MAPK4: variants seen among roughly 807,000 people sequenced by gnomAD.
MAPK4 encodes Erk3-related.
A neutral mutation model predicts 47.7 loss-of-function variants in MAPK4; 22 were observed. The ratio of observed to expected loss-of-function variants is 0.46; its 90% CI spans 0.33 to 0.66. MAPK4 has a LOEUF of 0.66. MAPK4 is among the 30% of genes least tolerant of loss of function. The pLI, the probability that MAPK4 is intolerant of heterozygous loss-of-function variation, is 0.02. For missense variants in MAPK4, 736 were observed against 831.7 expected (o/e 0.88, Z 1.42); for synonymous variants, 390 against 365.7 (o/e 1.07, Z -0.76).
intron 2 of MAPK4, chr18:50,670,176 A>C (rs1442232152): frequency 2.0e-5 from 3 of 147,138 alleles, no homozygotes; most frequent in Non-Finnish European, 3.0e-5. Context: ...AAAAAAAAAA[A>C]CACTCATTGC....
intron 2 of MAPK4, among the ~76,000 whole-genome samples, chr18:50,683,400 A>G (rs1598906972): frequency 6.6e-6 from 1 of 151,396 alleles, no homozygotes; most frequent in Non-Finnish European, 1.5e-5. Context: ...TGGGATTACA[A>G]GCTTGAGCTA....
In MAPK4 at chr18:50,731,579, T is replaced by A. The variant is rs944358793; in HGVS notation, c.*1725T>A. ...AACTTTTAAATGGAAAATATGTAAATAGGAAGTGTTTGGGTTTTGTTTTTT... is the reference window on the plus strand; with the variant it reads ...AACTTTTAAATGGAAAATATGTAAAAAGGAAGTGTTTGGGTTTTGTTTTTT... On this transcript the variant is annotated 3_prime_UTR_variant, in exon 6 of 6. Transcript: ENST00000400384. 5 of 152,478 alleles carry A rather than the reference T, an allele frequency of 3.3e-5. No individual in the cohort carries two copies. The highest frequency in any genetic ancestry group is 6.5e-5 in the Admixed American group (1 of 15,284). The allele number at this position is 152,478 out of a possible 1,614,324, so 9.4% of individuals were successfully genotyped here.
intron 2 of MAPK4, among the ~76,000 whole-genome samples, chr18:50,685,164 C>T (rs1429614494): frequency 6.6e-6 from 1 of 152,210 alleles, no homozygotes; most frequent in African/African-American, 2.4e-5. Flanking sequence ...ACCAAGTGAC[C>T]AGGAGCAAAC....
At position 50,658,546 on chromosome 18, in the gene MAPK4, C is replaced by A. The variant is rs181857404; in HGVS notation, c.-870-4543C>A. ...GGTGAAGCCGTTGGCCTCTGGTAAACCCTCAGGACATGCAGTTCCACCATC... is the reference window on the plus strand; with the variant it reads ...GGTGAAGCCGTTGGCCTCTGGTAAAACCTCAGGACATGCAGTTCCACCATC... On this transcript the variant is annotated intron_variant, in intron 1 of 5. Transcript: ENST00000400384. Among the ~76,000 whole-genome samples, 478 of 152,330 alleles carry A rather than the reference C, an allele frequency of 3.1e-3. 2 individuals are homozygous for A. The highest frequency in any genetic ancestry group is 9.7e-3 in the African/African-American group (403 of 41,578).
intron 1 of MAPK4, among the ~76,000 whole-genome samples, chr18:50,623,705 G>A (rs79890018): frequency 0.043 from 6,518 of 152,336 alleles, 192 homozygotes; most frequent in Non-Finnish European, 0.063. Flanking sequence ...ACTTGTAAAC[G>A]TGCAAATCAG....
intron 1 of MAPK4, among the ~76,000 whole-genome samples, chr18:50,649,467 C>A (rs993069071): frequency 6.6e-6 from 1 of 152,176 alleles, no homozygotes; most frequent in Non-Finnish European, 1.5e-5. Context: ...ACAACATCCT[C>A]ACTTGGTTTC....
At chr18:50,565,313 C>T (rs891301399) in intron 1 of MAPK4, among the ~76,000 whole-genome samples, 1 of 152,136 alleles carries the variant, frequency 6.6e-6, no homozygotes, top group African/African-American at 2.4e-5. Flanking sequence ...GGGATCGTTC[C>T]GGTTTAGCAG....
intron 1 of MAPK4, among the ~76,000 whole-genome samples, chr18:50,620,981 C>T (rs1598834589): frequency 6.6e-6 from 1 of 152,098 alleles, no homozygotes; most frequent in African/African-American, 2.4e-5. Context: ...TGCTAAGAAA[C>T]AGGGCCCTTG....
rs909161459 is a variant in MAPK4, at chr18:50,722,645, C to T, written c.853+546C>T. 4.6e-5 allele frequency among the ~76,000 whole-genome samples: 7 copies of T among 152,238 alleles called. No homozygotes were observed. In the South Asian group the frequency reaches 8.3e-4, roughly 18 times the overall value. ...CTCGGTGACAGCATCCCTCAGCAGC[C>T]GAAACGTCCATCTTGTGACAGGTGC... On this transcript the variant is annotated intron_variant, in intron 4 of 5. Transcript: ENST00000400384.
chr18:50,559,917 G>A (rs1401582250), upstream of MAPK4, among the ~76,000 whole-genome samples: 1 of 151,252 alleles, frequency 6.6e-6, no homozygotes, highest in African/African-American at 2.4e-5. Context: ...GAGGCTGCGG[G>A]AGGGCAGAGC....
At chr18:50,671,422 A>C (rs1016279731) in intron 2 of MAPK4, among the ~76,000 whole-genome samples, 6 of 152,234 alleles carry the variant, frequency 3.9e-5, no homozygotes, top group African/African-American at 7.2e-5. Context: ...CACTGGTTTC[A>C]CAGTTCAGCA....
At chr18:50,673,606 G>A (rs1432177249) in intron 2 of MAPK4, among the ~76,000 whole-genome samples, 14 of 152,032 alleles carry the variant, frequency 9.2e-5, no homozygotes, top group African/African-American at 2.2e-4. Flanking sequence ...TGTAATCCCA[G>A]CACTTTGGGA....
chr18:50,662,609 G>A (rs558485540), intron 1 of MAPK4, among the ~76,000 whole-genome samples: 9 of 152,350 alleles, frequency 5.9e-5, no homozygotes, highest in Middle Eastern at 3.4e-3. Context: ...CCCTGTGAAA[G>A]CCTCTTAAAA....
At chr18:50,658,336 C>T (rs957313304) in intron 1 of MAPK4, among the ~76,000 whole-genome samples, 1 of 152,148 alleles carries the variant, frequency 6.6e-6, no homozygotes, top group Admixed American at 6.5e-5. Flanking sequence ...AAGAGTCACT[C>T]GCTGGGGCTG....
intron 1 of MAPK4, among the ~76,000 whole-genome samples, chr18:50,601,521 G>A (rs549374683): frequency 4.7e-4 from 71 of 152,056 alleles, no homozygotes; most frequent in African/African-American, 1.6e-3. Context: ...TTCCACGGCT[G>A]CACCACTTCT....
chr18:50,619,692 T>G (rs1265210530), intron 1 of MAPK4, among the ~76,000 whole-genome samples: 1 of 152,200 alleles, frequency 6.6e-6, no homozygotes, highest in Non-Finnish European at 1.5e-5. Flanking sequence ...TGACTGCCTC[T>G]TTGTTCCTGC....
chr18:50,647,471 C>T (rs1196760133), intron 1 of MAPK4, among the ~76,000 whole-genome samples: 3 of 152,172 alleles, frequency 2.0e-5, no homozygotes, highest in Non-Finnish European at 4.4e-5. Flanking sequence ...AAGAAATGAA[C>T]ACCCGAGGGA....
At chr18:50,625,729 G>A (rs1193671764) in intron 1 of MAPK4, among the ~76,000 whole-genome samples, 1 of 152,114 alleles carries the variant, frequency 6.6e-6, no homozygotes, top group Admixed American at 6.5e-5. Context: ...ACAGCATTGG[G>A]AGATCCTCAT....
chr18:50,694,152 T>C (rs531567315), intron 2 of MAPK4, among the ~76,000 whole-genome samples: 3 of 152,346 alleles, frequency 2.0e-5, no homozygotes, highest in Admixed American at 6.5e-5. Context: ...GCTGTGTGCA[T>C]ACTGCGGTAA....
Sources: allele counts gnomAD v4.1 joint callset (sites outside exome capture counted in the v4.1 genomes callset), GRCh38; gene constraint gnomAD v4.1.1; transcripts MANE v1.5; gene names NCBI Gene and HGNC (gene_info 2026-07-23, HGNC 2026-07-21).